Variants in UBE2L6 observed in about 807,000 individuals in gnomAD.
The protein encoded by UBE2L6 is ubiquitin/ISG15-conjugating enzyme E2 L6.
Under a neutral mutation model 13.6 loss-of-function variants are expected in UBE2L6, and 11 were observed. The ratio of observed to expected loss-of-function variants is 0.81; its 90% CI spans 0.51 to 1.34. The LOEUF (loss-of-function observed/expected upper bound fraction) is 1.34. Ranked by LOEUF, UBE2L6 falls within the 40% of genes most tolerant of loss-of-function variation. The pLI is 0.00. For missense variants in UBE2L6, 197 were observed against 199.5 expected (o/e 0.99, Z 0.07); for synonymous variants, 74 against 83.2 (o/e 0.89, Z 0.60).
intron 2 of UBE2L6, among the ~76,000 whole-genome samples, chr11:57,559,630 A>G (rs2649651): frequency 0.46 from 69,552 of 151,916 alleles, 16,289 homozygotes; most frequent in East Asian, 0.73. Flanking sequence ...ACAAGTCCAA[A>G]TCCTAAATGA....
chr11:57,555,466 C>T (rs2649654), intron 2 of UBE2L6, among the ~76,000 whole-genome samples: 67,472 of 151,608 alleles, frequency 0.45, 15,356 homozygotes, highest in East Asian at 0.73. Context: ...AAAGTGGTCA[C>T]CAGGTGCTGG....
intron 3 of UBE2L6, among the ~76,000 whole-genome samples, chr11:57,553,512 G>C (rs1944974626): frequency 6.6e-6 from 1 of 151,772 alleles, no homozygotes; most frequent in African/African-American, 2.4e-5. Flanking sequence ...AAAACAAAAA[G>C]GATTAAAATT....
intron 2 of UBE2L6, among the ~76,000 whole-genome samples, chr11:57,555,381 A>G (rs1042547788): frequency 6.6e-6 from 1 of 152,214 alleles, no homozygotes; most frequent in African/African-American, 2.4e-5. Flanking sequence ...TAAGCTAGAC[A>G]AAAAAAGGAC....
intron 3 of UBE2L6, among the ~76,000 whole-genome samples, chr11:57,553,963 T>C (rs1944978286): frequency 6.6e-6 from 1 of 152,220 alleles, no homozygotes. Context: ...CCGGGTCTAC[T>C]AAACAACACT....
chr11:57,552,007 G>C lies in UBE2L6; in HGVS notation c.*351C>G. The C allele has an allele frequency of 4.0e-6, 1 of 248,742 alleles. No individual in the cohort carries two copies. The highest frequency in any genetic ancestry group is 7.8e-6 in the Non-Finnish European group (1 of 127,700). 15.4% of individuals were successfully genotyped at this position (248,742 alleles called of 1,614,324 possible). ...CCTGAGCCCTAGGGGGATTCGAGTTGGCTGCTGGATTCATTTCCTGCAAGC... is the reference window on the plus strand; with the variant it reads ...CCTGAGCCCTAGGGGGATTCGAGTTCGCTGCTGGATTCATTTCCTGCAAGC... On this transcript the variant is annotated 3_prime_UTR_variant, in exon 4 of 4. Transcript: ENST00000287156.
At position 57,567,656 on chromosome 11, in the gene UBE2L6, G is replaced by A. The variant is rs1439785484; in HGVS notation, c.-45C>T. On this transcript the variant is annotated 5_prime_UTR_variant, in exon 1 of 4. Coordinates refer to ENST00000287156, the MANE Select transcript of UBE2L6 (RefSeq NM_004223.5). ...CACCCGTGGCCTCCAGCAGGACCGA[G>A]CTCCGACCCGCGACACAGCGCGCCC... The A allele has an allele frequency of 1.3e-6, 2 of 1,583,332 alleles. No individual in the cohort carries two copies. The highest frequency in any genetic ancestry group is 1.1e-5 in the South Asian group (1 of 87,062).
At chr11:57,563,669 A>G (rs1945064134) in intron 1 of UBE2L6, among the ~76,000 whole-genome samples, 1 of 151,422 alleles carries the variant, frequency 6.6e-6, no homozygotes, top group Non-Finnish European at 1.5e-5. Flanking sequence ...AGGCAGGTGG[A>G]TCACGAGATC....
At chr11:57,560,672 A>C (rs368733702) in intron 1 of UBE2L6, among the ~76,000 whole-genome samples, 51 of 149,192 alleles carry the variant, frequency 3.4e-4, no homozygotes, top group Non-Finnish European at 5.9e-4. Context: ...CCAGGCTGGA[A>C]TGCAGTGGCG....
chr11:57,552,553 G>T, intron 3 of UBE2L6, 44 bp from the exon 4 acceptor site: 1 of 1,610,954 alleles, frequency 6.2e-7, no homozygotes, highest in South Asian at 1.1e-5. Flanking sequence ...GCAGAGGGAA[G>T]GGAGTCATGG....
Position 57,552,219 on chromosome 11 carries a change from A to C in UBE2L6, c.*139T>G. The C allele has an allele frequency of 9.7e-6, 12 of 1,240,858 alleles. No homozygotes were observed. Among genetic ancestry groups the C allele is most frequent in the Non-Finnish European group, 1.4e-5 (12 of 878,826 alleles). 76.9% of individuals were successfully genotyped at this position (1,240,858 alleles called of 1,614,324 possible). A position where few individuals can be genotyped will look rare whatever the true frequency, so the allele number is the denominator to read the frequency against. On this transcript the variant is annotated 3_prime_UTR_variant, in exon 4 of 4. Coordinates refer to ENST00000287156, the MANE Select transcript of UBE2L6 (RefSeq NM_004223.5). ...CATAGCTCCCTTCCCTCCACCACAC[A>C]CACACACAAACTAATGACTAACAAC...
At chr11:57,554,285 G>T in intron 3 of UBE2L6, 152 bp downstream of exon 3, 1 of 861,514 alleles carries the variant, frequency 1.2e-6, no homozygotes. Context: ...TGTCCAGGAA[G>T]CATCCCTTCT....
chr11:57,552,621 C>A, intron 3 of UBE2L6, 112 bp from the exon 4 acceptor site: 1 of 1,367,538 alleles, frequency 7.3e-7, no homozygotes. Flanking sequence ...AAGGTTACAT[C>A]GCTTAGGATT....
At chr11:57,554,046 C>T (rs959733075) in intron 3 of UBE2L6, among the ~76,000 whole-genome samples, 1 of 152,136 alleles carries the variant, frequency 6.6e-6, no homozygotes, top group South Asian at 2.1e-4. Context: ...CGAAAGTGCT[C>T]AGTCAAGTGA....
chr11:57,552,393 A>C lies in UBE2L6; in HGVS notation c.427T>G (p.Phe143Val), dbSNP rs760327098. ...CGGTCCACTCCGAATCGGAGGGTGA[A>C]CTCTTCGGCATTCTTTCTGAACAGC... is the stretch of plus-strand genomic sequence containing the variant. ...PELFRKNAEE[F>V]TLRFGVDRPS Residue 143 changes from phenylalanine (F) to valine (V), a missense_variant, in exon 4 of 4, where the codon TTC (phenylalanine) becomes GTC (valine). Transcript: ENST00000287156. 8.1e-6 allele frequency: 13 copies of C among 1,614,150 alleles called. No homozygotes were observed. The South Asian group carries it at 1.3e-4, about 16-fold the overall frequency.
At chr11:57,565,261 A>G (rs966733427) in intron 1 of UBE2L6, among the ~76,000 whole-genome samples, 2 of 152,004 alleles carry the variant, frequency 1.3e-5, no homozygotes, top group Admixed American at 1.3e-4. Flanking sequence ...AAGGAAGGAA[A>G]GAAAGGGAGA....
Position 57,563,983 on chromosome 11 carries a change from G to C in UBE2L6, c.28-3551C>G, listed in dbSNP as rs146114177. Reference sequence around the variant, plus strand: ...TGGCCTCAAAAGGGCAAATCTAAGAGTTACTGGCCTTAAATAGGAGGTAGG... The same window carrying C: ...TGGCCTCAAAAGGGCAAATCTAAGACTTACTGGCCTTAAATAGGAGGTAGG... On this transcript the variant is annotated intron_variant, in intron 1 of 3. Transcript: ENST00000287156. Among the ~76,000 whole-genome samples, 10 of 152,338 alleles carry C rather than the reference G, an allele frequency of 6.6e-5. No individual in the cohort carries two copies. In the East Asian group the frequency reaches 1.3e-3, roughly 21 times the overall value.
chr11:57,557,984 C>G (rs1259475931), intron 2 of UBE2L6, among the ~76,000 whole-genome samples: 1 of 152,228 alleles, frequency 6.6e-6, no homozygotes, highest in Non-Finnish European at 1.5e-5. Flanking sequence ...AATGGAGAAG[C>G]TGGACCAGAG....
chr11:57,563,580 T>C (rs1190369246), intron 1 of UBE2L6, among the ~76,000 whole-genome samples: 1 of 146,494 alleles, frequency 6.8e-6, no homozygotes, highest in Non-Finnish European at 1.5e-5. Flanking sequence ...AGAACTAGAG[T>C]GTTTAAAGAC....
At chr11:57,554,700 C>T (rs1399789013) in intron 2 of UBE2L6, 77 bp from the exon 3 acceptor site, 1 of 1,509,280 alleles carries the variant, frequency 6.6e-7, no homozygotes, top group Non-Finnish European at 9.1e-7. Context: ...TCCTAGGCAT[C>T]CTCTGCTTCA....
Sources: gnomAD v4.1 joint callset for allele counts (sites outside exome capture counted in the v4.1 genomes callset) on GRCh38, gnomAD v4.1.1 for gene constraint, MANE v1.5 for transcripts, NCBI Gene and HGNC (gene_info 2026-07-23, HGNC 2026-07-21) for gene names.